ZBTB32: variants seen among roughly 807,000 people sequenced by gnomAD.
ZBTB32 encodes zinc finger and BTB domain containing 32, also known as zinc finger and BTB domain-containing protein 32.
A neutral mutation model predicts 45.3 loss-of-function variants in ZBTB32; 28 were observed. The ratio of observed to expected loss-of-function variants is 0.62; its 90% CI spans 0.46 to 0.85. ZBTB32 has a LOEUF of 0.85. Among genes scored for constraint, ZBTB32 ranks in the 40% least tolerant of loss-of-function variants. The pLI is 0.00. For missense variants in ZBTB32, 587 were observed against 624.4 expected, an observed-to-expected ratio of 0.94 and a Z score of 0.64; for synonymous variants, 283 against 255.7, an observed-to-expected ratio of 1.11 and a Z score of -1.02.
intron 1 of ZBTB32, among the ~76,000 whole-genome samples, chr19:35,712,219 C>A (rs924402805): frequency 6.6e-6 from 1 of 151,826 alleles, no homozygotes; most frequent in Admixed American, 6.6e-5. Flanking sequence ...CCCAGCACTT[C>A]GGGAGGCCAA....
intron 1 of ZBTB32, among the ~76,000 whole-genome samples, chr19:35,705,109 C>T (rs538224568): frequency 2.6e-4 from 40 of 152,024 alleles, no homozygotes; most frequent in Non-Finnish European, 5.6e-4. Context: ...AGTTTGAGAC[C>T]AGCCTGGCCA....
Position 35,715,351 on chromosome 19 carries a change from G to A in ZBTB32, c.725G>A (p.Ser242Asn). ...CCCCCAGCAGGCTCCCTGCAAACCA[G>A]CGTCACCCCTAGGCCCTCGTGGGCT... ...PLPPAGSLQTSVTPRPSWAEA... is the reference protein window; with the variant it reads ...PLPPAGSLQTNVTPRPSWAEA... Residue 242 changes from serine to asparagine, a missense_variant, in exon 3 of 7, where the codon AGC becomes AAC. Ser to Asn is a conservative substitution (Grantham distance 46). Transcript: ENST00000392197. The A allele has an allele frequency of 6.2e-7, 1 of 1,610,442 alleles. No individual in the cohort carries two copies. Among genetic ancestry groups the A allele is most frequent in the Non-Finnish European group, 8.5e-7 (1 of 1,178,836 alleles).
intron 1 of ZBTB32, among the ~76,000 whole-genome samples, chr19:35,706,119 T>G (rs1035334856): frequency 2.7e-5 from 4 of 150,500 alleles, no homozygotes; most frequent in Admixed American, 6.7e-5. Flanking sequence ...TCCCAGCTAC[T>G]AGGGAGGCTG....
chr19:35,710,910 G>A (rs925389077), intron 1 of ZBTB32, among the ~76,000 whole-genome samples: 6 of 152,168 alleles, frequency 3.9e-5, no homozygotes, highest in Admixed American at 1.3e-4. Flanking sequence ...CAGCATAAGG[G>A]TTGCAGTGCA....
chr19:35,712,407 A>G lies in ZBTB32; in HGVS notation c.-221-510A>G, dbSNP rs114126806. Among the ~76,000 whole-genome samples the G allele has an allele frequency of 2.8e-3, 423 of 152,350 alleles. 3 individuals are homozygous for G. Among genetic ancestry groups the G allele is most frequent in the African/African-American group, 9.1e-3 (378 of 41,576 alleles). On this transcript the variant is annotated intron_variant, in intron 1 of 6. Coordinates refer to ENST00000392197, the MANE Select transcript of ZBTB32 (RefSeq NM_014383.3). ...AGCCCAGGAAGCTAAGGCTGCAGTG[A>G]GCCGTGATCGTACCACTGGGCAACA...
At chr19:35,707,803 A>C (rs1968585634) in intron 1 of ZBTB32, among the ~76,000 whole-genome samples, 1 of 151,940 alleles carries the variant, frequency 6.6e-6, no homozygotes, top group Non-Finnish European at 1.5e-5. Context: ...CCAACATGGT[A>C]AAACCTCATC....
chr19:35,716,089 G>C, intron 5 of ZBTB32, 44 bp from the exon 6 acceptor site: 1 of 1,611,744 alleles, frequency 6.2e-7, no homozygotes, highest in South Asian at 1.1e-5. Context: ...AGTTGGCGCT[G>C]GGATTCCTGG....
intron 2 of ZBTB32, chr19:35,714,052 GC>G (rs1160738779): frequency 6.6e-6 from 1 of 152,346 alleles, no homozygotes; most frequent in Non-Finnish European, 1.5e-5. Flanking sequence ...CTATCATGCT[GC>G]CCTCTCTGCC....
rs1305202083 is a variant in ZBTB32, at chr19:35,715,083, C to T, written c.457C>T (p.Gln153Ter). Residue 153 changes from glutamine to a stop codon, truncating the protein, a stop_gained, in exon 3 of 7, where the codon CAG becomes TAG. Coordinates refer to ENST00000392197, the MANE Select transcript of ZBTB32 (RefSeq NM_014383.3). LOFTEE classifies it high-confidence loss of function. Reference sequence around the variant, plus strand: ...CCCTGGAGAGAAGCAGAAACCAGAACAGGTTTCTAGAACTGGTGGGAGAGA... The same window carrying T: ...CCCTGGAGAGAAGCAGAAACCAGAATAGGTTTCTAGAACTGGTGGGAGAGA... ...GDPGEKQKPE[Q>*]VSRTGGREQE... 6.2e-7 allele frequency: 1 copy of T among 1,613,978 alleles called. No individual in the cohort carries two copies. The highest frequency in any genetic ancestry group is 8.5e-7 in the Non-Finnish European group (1 of 1,180,010).
rs773746029 is a variant in ZBTB32 at position 35,712,024 on chromosome 19, C to CAAAAAA, written c.-221-870_-221-865dup. 2.2e-4 allele frequency among the ~76,000 whole-genome samples: 12 copies of CAAAAAA among 54,824 alleles called. 1 individual carries two copies. Among genetic ancestry groups the CAAAAAA allele is most frequent in the African/African-American group, 5.8e-4 (7 of 12,166 alleles). The allele number at this position is 54,824 out of a possible 152,430, so 36.0% of individuals were successfully genotyped here. On this transcript the variant is annotated intron_variant, in intron 1 of 6. Transcript: ENST00000392197. ...TGGGAGACAGAGCGAGACTGCGTCTCAAAAAAAAAAAAAAAAAAAAAAAAA... is the reference window on the plus strand; with the variant it reads ...TGGGAGACAGAGCGAGACTGCGTCTCAAAAAAAAAAAAAAAAAAAAAAAAAAAAAAA...
intron 1 of ZBTB32, among the ~76,000 whole-genome samples, chr19:35,705,450 G>C (rs1968515355): frequency 6.6e-6 from 1 of 152,220 alleles, no homozygotes; most frequent in Non-Finnish European, 1.5e-5. Flanking sequence ...CTGGACTCCA[G>C]GTTGAGATGT....
At chr19:35,708,742 C>T (rs564314042) in intron 1 of ZBTB32, among the ~76,000 whole-genome samples, 142 of 152,294 alleles carry the variant, frequency 9.3e-4, no homozygotes, top group African/African-American at 2.2e-3. Context: ...TAATTCACTC[C>T]TTGTGGTGAC....
At chr19:35,705,676 G>T (rs1006478645) in intron 1 of ZBTB32, among the ~76,000 whole-genome samples, 25 of 151,998 alleles carry the variant, frequency 1.6e-4, no homozygotes, top group African/African-American at 5.6e-4. Flanking sequence ...ACTTTGGGAG[G>T]CTGAGGTGGG....
Position 35,716,167 on chromosome 19 carries a change from G to C in ZBTB32, c.1059G>C (p.Lys353Asn), listed in dbSNP as rs1357815834. 6 of 1,613,868 alleles carry C rather than the reference G, an allele frequency of 3.7e-6. No homozygotes were observed. In the Admixed American group the frequency reaches 5.0e-5, roughly 13 times the overall value. ...CAACCTGTGCGGGTCATGAGGACAA[G>C]GCAGGCTGCCCACCTCGCCCGCACC... ...ALATCAGHED[K>N]AGCPPRPHPP... Residue 353 changes from lysine (K) to asparagine (N), a missense_variant, in exon 6 of 7, where the codon AAG becomes AAC. Lys to Asn is a moderately conservative substitution (Grantham distance 94, BLOSUM62 0). Coordinates refer to ENST00000392197, the MANE Select transcript of ZBTB32 (RefSeq NM_014383.3).
Position 35,716,655 on chromosome 19 carries a change from C to T in ZBTB32, c.1367C>T (p.Pro456Leu). The stretch of plus-strand genomic sequence containing the variant: ...CGCGGTCACTCGCCCAGCCAACTCC[C>T]GCCCGGATGGACCATCCGCTCCACC... ...HMRGHSPSQL[P>L]PGWTIRSTFL... Residue 456 changes from proline to leucine, a missense_variant, in exon 7 of 7, where the codon CCG becomes CTG. Physicochemically the swap from Pro to Leu is moderately conservative, Grantham distance 98. Coordinates refer to ENST00000392197, the MANE Select transcript of ZBTB32 (RefSeq NM_014383.3). 1 of 1,613,942 alleles carries T rather than the reference C, an allele frequency of 6.2e-7. No individual in the cohort carries two copies. The highest frequency in any genetic ancestry group is 8.5e-7 in the Non-Finnish European group (1 of 1,179,976).
In ZBTB32 at chr19:35,717,018, GT is replaced by G. The variant is rs1968940017; in HGVS notation, c.*269del. The stretch of plus-strand genomic sequence containing the variant: ...GTCGATCTCATCACCATAATAAAGA[GT>G]TTCCTGTGCCCTCCCTTCAGGACTA... On this transcript the variant is annotated 3_prime_UTR_variant, in exon 7 of 7. Transcript: ENST00000392197. 2.0e-6 allele frequency: 1 copy of G among 511,888 alleles called. No individual in the cohort carries two copies. Among genetic ancestry groups the G allele is most frequent in the African/African-American group, 1.9e-5 (1 of 52,274 alleles). 31.7% of individuals were successfully genotyped at this position (511,888 alleles called of 1,614,324 possible). A position where few individuals can be genotyped will look rare whatever the true frequency, so the allele number is the denominator to read the frequency against.
intron 2 of ZBTB32, among the ~76,000 whole-genome samples, chr19:35,713,794 TGAGAG>T (rs1968770940): frequency 6.6e-6 from 1 of 152,250 alleles, no homozygotes; most frequent in Admixed American, 6.5e-5. Context: ...ACCCAAATCT[TGAGAG>T]GAAACAGCCT....
intron 1 of ZBTB32, among the ~76,000 whole-genome samples, chr19:35,712,699 G>A (rs1968734918): frequency 6.6e-6 from 1 of 152,160 alleles, no homozygotes; most frequent in African/African-American, 2.4e-5. Flanking sequence ...AAGAAAAGGA[G>A]ATTTTTCTCT....
At chr19:35,712,076 T>A (rs1968717395) in intron 1 of ZBTB32, among the ~76,000 whole-genome samples, 2 of 149,108 alleles carry the variant, frequency 1.3e-5, no homozygotes, top group African/African-American at 5.0e-5. Context: ...GGAAGCCGAC[T>A]GTGCCTTGTC....
Sources: allele counts gnomAD v4.1 joint callset (sites outside exome capture counted in the v4.1 genomes callset), GRCh38; gene constraint gnomAD v4.1.1; transcripts MANE v1.5; gene names NCBI Gene and HGNC (gene_info 2026-07-23, HGNC 2026-07-21).